The following TPO variants were observed in gnomAD, a reference collection of about 807,000 sequenced individuals.
TPO encodes the protein thyroid microsomal antigen.
Under a neutral mutation model 96.9 loss-of-function variants are expected in TPO, and 78 were observed. The ratio of observed to expected loss-of-function variants is 0.81; its 90% confidence interval spans 0.67 to 0.97. The LOEUF (loss-of-function observed/expected upper bound fraction) is 0.97, where lower values mean the gene tolerates loss of function less well. TPO is among the 50% of genes least tolerant of loss of function. The probability of loss-of-function intolerance (pLI) is 0.00; values close to 1 mark genes in which losing one functional copy is unlikely to be tolerated. For synonymous variants in TPO, 547 were observed against 538.0 expected (o/e 1.02, Z -0.23); for missense variants, 1,252 against 1,274.8 (o/e 0.98, Z 0.27).
intron 14 of TPO, among the ~76,000 whole-genome samples, chr2:1,505,286 C>T (rs1413167376): frequency 6.6e-6 from 1 of 150,408 alleles, no homozygotes; most frequent in East Asian, 2.0e-4. Flanking sequence ...CAGGCGCACC[C>T]CACTATCCTA....
At chr2:1,529,351 TCCCC>T (rs1262190747) in intron 15 of TPO, among the ~76,000 whole-genome samples, 2 of 72,392 alleles carry the variant, frequency 2.8e-5, no homozygotes, top group African/African-American at 6.6e-5. Flanking sequence ...GTGTGCAACC[TCCCC>T]AAATCCCCCC....
At chr2:1,519,225 A>C (rs992481506) in intron 15 of TPO, among the ~76,000 whole-genome samples, 9 of 152,206 alleles carry the variant, frequency 5.9e-5, no homozygotes, top group Non-Finnish European at 1.0e-4. Context: ...CTGCAGCCCC[A>C]GAAAACTTAA....
intron 15 of TPO, among the ~76,000 whole-genome samples, chr2:1,526,519 TC>T: frequency 9.7e-6 from 1 of 103,520 alleles, no homozygotes; most frequent in Non-Finnish European, 1.9e-5. Context: ...CCGCAAATCC[TC>T]CCAGTGTTCG....
intron 7 of TPO, among the ~76,000 whole-genome samples, chr2:1,465,330 T>C (rs1668801531): frequency 6.6e-6 from 1 of 152,232 alleles, no homozygotes; most frequent in Non-Finnish European, 1.5e-5. Flanking sequence ...AATCAGGTAA[T>C]GTGATGCCTC....
At chr2:1,483,408 GC>G (rs1670825778) in intron 8 of TPO, among the ~76,000 whole-genome samples, 1 of 152,206 alleles carries the variant, frequency 6.6e-6, no homozygotes, top group Non-Finnish European at 1.5e-5. Flanking sequence ...AAAGAGAGAG[GC>G]CTTTTCCTTT....
chr2:1,450,771 GT>G (rs1366187320), intron 5 of TPO, among the ~76,000 whole-genome samples: 1 of 152,170 alleles, frequency 6.6e-6, no homozygotes, highest in African/African-American at 2.4e-5. Context: ...TGCTTAAGCA[GT>G]TAAATTAACA....
At chr2:1,405,558 A>C (rs1662238537) in intron 1 of TPO, among the ~76,000 whole-genome samples, 3 of 147,282 alleles carry the variant, frequency 2.0e-5, no homozygotes, top group African/African-American at 5.1e-5. Context: ...AACCCACCCC[A>C]CTCTCCCAGA....
intron 1 of TPO, among the ~76,000 whole-genome samples, chr2:1,403,871 G>A (rs548148631): frequency 2.6e-5 from 4 of 152,304 alleles, no homozygotes; most frequent in Admixed American, 6.5e-5. Context: ...GCATGGAAAC[G>A]GTGGCTGCCC....
At chr2:1,409,568 A>C (rs558899085), upstream of TPO, among the ~76,000 whole-genome samples, 1 of 152,230 alleles carries the variant, frequency 6.6e-6, no homozygotes, top group African/African-American at 2.4e-5. Flanking sequence ...CAGCACAGCA[A>C]CCAGGACCAG....
At chr2:1,540,797 C>T in intron 16 of TPO, 74 bp downstream of exon 16, 1 of 1,611,414 alleles carries the variant, frequency 6.2e-7, no homozygotes, top group South Asian at 1.1e-5. Flanking sequence ...CGGAGCAGCT[C>T]TGCTGGGGCT....
chr2:1,477,160 CGGGGACCAAGGCGCGCTCTTT>C lies in TPO; in HGVS notation c.898_918del (p.Asp300_Gly306del). 6.2e-7 allele frequency: 1 copy of C among 1,609,994 alleles called. No homozygotes were observed. Among genetic ancestry groups the C allele is most frequent in the Non-Finnish European group, 8.5e-7 (1 of 1,179,062 alleles). On this transcript the variant is annotated inframe_deletion, in exon 8 of 17. Coordinates refer to ENST00000329066, the MANE Select transcript of TPO (RefSeq NM_001206744.2). The stretch of plus-strand genomic sequence containing the variant: ...ACCGCTCTTCGGCCGCCTGCGGCAC[CGGGGACCAAGGCGCGCTCTTT>C]GGGAACCTGTCCACGGCCAACCCGC...
intron 8 of TPO, among the ~76,000 whole-genome samples, chr2:1,484,369 C>A (rs1404589402): frequency 6.6e-6 from 1 of 152,226 alleles, no homozygotes; most frequent in Non-Finnish European, 1.5e-5. Context: ...CCATCACCAT[C>A]CTGGGAAGGA....
At chr2:1,515,212 A>G (rs1297799820) in intron 14 of TPO, among the ~76,000 whole-genome samples, 1 of 152,000 alleles carries the variant, frequency 6.6e-6, no homozygotes, top group African/African-American at 2.4e-5. Flanking sequence ...CGGAGCCCCC[A>G]CCTCTAGCAG....
At chr2:1,488,133 A>G (rs1671351738) in intron 10 of TPO, 142 bp downstream of exon 10, 3 of 1,222,124 alleles carry the variant, frequency 2.5e-6, no homozygotes, top group African/African-American at 3.0e-5. Flanking sequence ...AAAGGGCTCC[A>G]GTTCATTCAG....
chr2:1,538,615 C>G (rs963535878), intron 15 of TPO, among the ~76,000 whole-genome samples: 1 of 152,082 alleles, frequency 6.6e-6, no homozygotes, highest in African/African-American at 2.4e-5. Flanking sequence ...TGGGGAAAGT[C>G]TTTTTTCAAC....
At chr2:1,423,904 G>A (rs974666380) in intron 3 of TPO, among the ~76,000 whole-genome samples, 4 of 152,304 alleles carry the variant, frequency 2.6e-5, no homozygotes, top group Non-Finnish European at 5.9e-5. Context: ...ACTTTAATAT[G>A]TCTAAAATGG....
intron 15 of TPO, among the ~76,000 whole-genome samples, chr2:1,534,589 G>T (rs1679127208): frequency 7.1e-6 from 1 of 141,076 alleles, no homozygotes; most frequent in Non-Finnish European, 1.5e-5. Context: ...CGCCCACACT[G>T]TGCAACCGCA....
intron 13 of TPO, 72 bp from the exon 14 acceptor site, chr2:1,503,876 A>G: frequency 1.2e-6 from 2 of 1,613,066 alleles, no homozygotes; most frequent in African/African-American, 2.7e-5. Flanking sequence ...CACCTCCCAG[A>G]ACGGGGGTCG....
chr2:1,429,781 G>T (rs146720365), intron 3 of TPO, among the ~76,000 whole-genome samples: 249 of 152,336 alleles, frequency 1.6e-3, no homozygotes, highest in African/African-American at 5.6e-3. Context: ...ATGACTTGGA[G>T]TATCTGGCAG....
Sources: gnomAD v4.1 joint callset for allele counts (sites outside exome capture counted in the v4.1 genomes callset) on GRCh38, gnomAD v4.1.1 for gene constraint, MANE v1.5 for transcripts, NCBI Gene and HGNC (gene_info 2026-07-23, HGNC 2026-07-21) for gene names.